HMCN1: variants seen among roughly 807,000 people sequenced by gnomAD.
HMCN1 encodes the protein hemicentin 1.
A neutral mutation model predicts 625.9 loss-of-function variants in HMCN1; 321 were observed. The observed-to-expected ratio is 0.51, with a 90% CI of 0.47 to 0.56. The LOEUF is 0.56. HMCN1 is among the 20% of genes least tolerant of loss of function. HMCN1 has a pLI of 0.00. For missense variants in HMCN1, 6,588 were observed against 6,887.3 expected (o/e 0.96, Z 1.54); for synonymous variants, 2,425 against 2,417.6 (o/e 1.00, Z -0.09).
chr1:185,809,616 T>C (rs560243808), intron 1 of HMCN1, among the ~76,000 whole-genome samples: 2 of 152,134 alleles, frequency 1.3e-5, no homozygotes, highest in Admixed American at 6.6e-5. Flanking sequence ...ATCCTTGCCC[T>C]TTGTACAGTG....
chr1:186,041,647 A>G (rs1003642735), intron 40 of HMCN1, among the ~76,000 whole-genome samples: 4 of 152,144 alleles, frequency 2.6e-5, no homozygotes, highest in African/African-American at 9.7e-5. Context: ...CAATGCTCAC[A>G]AAAGGGAATG....
intron 52 of HMCN1, among the ~76,000 whole-genome samples, chr1:186,072,495 C>T (rs187890700): frequency 1.4e-3 from 207 of 152,222 alleles, no homozygotes; most frequent in Middle Eastern, 6.8e-3. Flanking sequence ...CAAATTTCTA[C>T]TCATGTGAAG....
chr1:186,144,742 T>C (rs1251028494), intron 91 of HMCN1, 39 bp downstream of exon 91: 1 of 1,607,458 alleles, frequency 6.2e-7, no homozygotes. Context: ...TATACTTTCA[T>C]AAAGTTTCAT....
chr1:185,999,181 T>G lies in HMCN1; in HGVS notation c.3875-864T>G, dbSNP rs377685526. On this transcript the variant is annotated intron_variant, in intron 25 of 106. Coordinates refer to ENST00000271588, the MANE Select transcript of HMCN1 (RefSeq NM_031935.3). ...TCATCTTTTAATATTTTACTGTCAT[T>G]TAATACAGGATTATTAACAATGTCT... Among the ~76,000 whole-genome samples, 116 of 152,162 alleles carry G rather than the reference T, an allele frequency of 7.6e-4. 1 individual carries two copies. Among genetic ancestry groups the G allele is most frequent in the East Asian group, 5.8e-4 (3 of 5,186 alleles).
chr1:185,791,924 C>T (rs1284935863), intron 1 of HMCN1, among the ~76,000 whole-genome samples: 1 of 152,130 alleles, frequency 6.6e-6, no homozygotes, highest in East Asian at 1.9e-4. Context: ...ATGCTTCACC[C>T]AGGTGTAGGC....
chr1:186,183,940 G>A (rs1004895313), intron 105 of HMCN1, among the ~76,000 whole-genome samples: 5 of 152,102 alleles, frequency 3.3e-5, no homozygotes, highest in Admixed American at 6.6e-5. Context: ...GGTACCCCAG[G>A]CACCAAGGAA....
intron 1 of HMCN1, among the ~76,000 whole-genome samples, chr1:185,822,085 T>A (rs6686790): frequency 0.028 from 4,219 of 152,030 alleles, 213 homozygotes; most frequent in African/African-American, 0.09. Flanking sequence ...GCACAGAGGA[T>A]TCTTGGGGCA....
intron 73 of HMCN1, 55 bp downstream of exon 73, chr1:186,114,178 A>T (rs1661019611): frequency 1.3e-6 from 2 of 1,597,024 alleles, no homozygotes; most frequent in Non-Finnish European, 1.7e-6. Flanking sequence ...CAAATTCTTA[A>T]TTTTTTTTCC....
At chr1:185,910,815 C>T (rs1666373177) in intron 5 of HMCN1, among the ~76,000 whole-genome samples, 1 of 152,070 alleles carries the variant, frequency 6.6e-6, no homozygotes, top group South Asian at 2.1e-4. Context: ...GTGATCTGCC[C>T]ACCTCGGCCT....
chr1:185,957,898 T>TATG (rs57197634), intron 11 of HMCN1, among the ~76,000 whole-genome samples: 9,017 of 152,204 alleles, frequency 0.059, 640 homozygotes, highest in African/African-American at 0.17. Context: ...CTCATTATAT[T>TATG]ATAACTCTTT....
chr1:185,989,219 T>C (rs1253158705), intron 20 of HMCN1, among the ~76,000 whole-genome samples: 1 of 151,914 alleles, frequency 6.6e-6, no homozygotes, highest in Non-Finnish European at 1.5e-5. Context: ...GTGGTCTCGA[T>C]CTCCTGACCT....
In HMCN1 at chr1:186,087,577, A is replaced by G. The variant is rs1033392494; in HGVS notation, c.9295A>G (p.Met3099Val). ...PVITWYKNGR[M>V]ITESTHVEIL... The stretch of plus-strand genomic sequence containing the variant: ...CATCACTTGGTATAAGAATGGGCGG[A>G]TGATAACAGAGTCTACTCATGTGGA... Residue 3099 changes from methionine (M) to valine (V), a missense_variant, in exon 60 of 107, where the codon ATG becomes GTG. Coordinates refer to ENST00000271588, the MANE Select transcript of HMCN1 (RefSeq NM_031935.3). The G allele has an allele frequency of 1.9e-6, 3 of 1,613,222 alleles. No homozygotes were observed. In the African/African-American group the frequency reaches 4.0e-5, roughly 22 times the overall value.
intron 20 of HMCN1, 27 bp from the exon 21 acceptor site, chr1:185,989,461 C>T (rs1450489047): frequency 4.3e-6 from 7 of 1,612,186 alleles, no homozygotes; most frequent in Non-Finnish European, 5.9e-6. Flanking sequence ...AAACAAAAAA[C>T]CCTTTGCTTT....
In HMCN1 at chr1:186,145,742, C is replaced by T. The variant is rs771701561; in HGVS notation, c.14438-11C>T. On this transcript the variant is annotated splice_polypyrimidine_tract_variant and intron_variant, in intron 92 of 106. Transcript: ENST00000271588. ...ATTTCTTAACAGTGACCATTCCATTCTTGTTCACAGTGGATGGAAGTTGGG... is the reference window on the plus strand; with the variant it reads ...ATTTCTTAACAGTGACCATTCCATTTTTGTTCACAGTGGATGGAAGTTGGG... 6.2e-7 allele frequency: 1 copy of T among 1,614,110 alleles called. No individual in the cohort carries two copies. The highest frequency in any genetic ancestry group is 1.7e-5 in the Admixed American group (1 of 60,014).
chr1:185,990,218 A>T, intron 21 of HMCN1, 57 bp from the exon 22 acceptor site: 1 of 1,463,180 alleles, frequency 6.8e-7, no homozygotes, highest in Non-Finnish European at 9.6e-7. Flanking sequence ...AGTGTAAATT[A>T]AACTGTGCTT....
At chr1:186,053,556 G>A (rs1657109851) in intron 43 of HMCN1, among the ~76,000 whole-genome samples, 2 of 151,942 alleles carry the variant, frequency 1.3e-5, no homozygotes, top group African/African-American at 4.8e-5. Flanking sequence ...AGTTTTCAAT[G>A]TACATTAAGA....
intron 30 of HMCN1, among the ~76,000 whole-genome samples, chr1:186,012,176 AT>A (rs200151386): frequency 5.3e-5 from 8 of 151,140 alleles, no homozygotes; most frequent in Admixed American, 2.0e-4. Context: ...AAAAACATAG[AT>A]TTTTTTTAAC....
At chr1:185,890,168 AT>A (rs755437326) in intron 4 of HMCN1, among the ~76,000 whole-genome samples, 4 of 150,248 alleles carry the variant, frequency 2.7e-5, no homozygotes, top group East Asian at 1.9e-4. Context: ...CCCCTTTATC[AT>A]TTTTTATTGC....
intron 1 of HMCN1, among the ~76,000 whole-genome samples, chr1:185,762,015 A>G (rs1386987085): frequency 6.6e-6 from 1 of 152,222 alleles, no homozygotes; most frequent in Non-Finnish European, 1.5e-5. Context: ...ACAAGCTTGC[A>G]GCAGGCATTC....
Sources: gnomAD v4.1 joint callset for allele counts (sites outside exome capture counted in the v4.1 genomes callset) on GRCh38, gnomAD v4.1.1 for gene constraint, MANE v1.5 for transcripts, NCBI Gene and HGNC (gene_info 2026-07-23, HGNC 2026-07-21) for gene names.